COL4A1: variants seen among roughly 807,000 people sequenced by gnomAD.
The protein encoded by COL4A1 is collagen alpha-1(IV) chain.
In COL4A1, 40 loss-of-function variants were observed where a neutral mutation model predicts 216.6. The ratio of observed to expected loss-of-function variants is 0.18; its 90% CI spans 0.14 to 0.24. The LOEUF (loss-of-function observed/expected upper bound fraction) is 0.24. Ranked by LOEUF, COL4A1 falls within the 10% of genes least tolerant of loss-of-function variation. COL4A1 has a pLI of 1.00. For synonymous variants in COL4A1, 839 were observed against 810.7 expected, an observed-to-expected ratio of 1.03 and a Z score of -0.59; for missense variants, 1,628 against 2,196.8, an observed-to-expected ratio of 0.74 and a Z score of 5.18.
At chr13:110,200,166 C>T (rs753815795) in intron 20 of COL4A1, among the ~76,000 whole-genome samples, 34 of 152,362 alleles carry the variant, frequency 2.2e-4, no homozygotes, top group Non-Finnish European at 4.0e-4. Flanking sequence ...GGCACGTGAG[C>T]GTTTCCATCA....
intron 2 of COL4A1, among the ~76,000 whole-genome samples, chr13:110,214,456 G>A (rs1164935731): frequency 6.6e-6 from 1 of 152,212 alleles, no homozygotes; most frequent in Non-Finnish European, 1.5e-5. Context: ...GGTAAAGCAT[G>A]ACTTCTGGAT....
rs775952266 is a variant in COL4A1, at chr13:110,162,269, A to G, written c.4423T>C (p.Tyr1475His). 1.9e-5 allele frequency: 31 copies of G among 1,614,236 alleles called. No homozygotes were observed. Among genetic ancestry groups the G allele is most frequent in the Non-Finnish European group, 2.5e-5 (30 of 1,180,042 alleles). Residue 1475 changes from tyrosine to histidine, a missense_variant, in exon 48 of 52, where the codon TAC (tyrosine) becomes CAC (histidine). Transcript: ENST00000375820. ...KILYHGYSLL[Y>H]VQGNERAHGQ... ...TGGGCCCGTTCATTGCCTTGCACGT[A>G]GAGCAAAGAGTACCCGTGGTAAAGA...
At chr13:110,193,001 G>C in intron 22 of COL4A1, 88 bp from the exon 23 acceptor site, 1 of 1,198,952 alleles carries the variant, frequency 8.3e-7, no homozygotes, top group South Asian at 1.2e-5. Context: ...AGGCAAGGCT[G>C]TCACTAACAT....
rs117778529 is a variant in COL4A1 at position 110,227,698 on chromosome 13, T to C, written c.145-13683A>G. ...CAACTTGGTGGAAACTGAGCTCTCATGGGAATTCTAAACCTACAGGTGCCC... is the reference window on the plus strand; with the variant it reads ...CAACTTGGTGGAAACTGAGCTCTCACGGGAATTCTAAACCTACAGGTGCCC... On this transcript the variant is annotated intron_variant, in intron 2 of 51. Transcript: ENST00000375820. Among the ~76,000 whole-genome samples the C allele has an allele frequency of 1.7e-3, 255 of 152,312 alleles. 1 individual carries two copies. Among genetic ancestry groups the C allele is most frequent in the Non-Finnish European group, 2.9e-3 (194 of 68,022 alleles).
intron 43 of COL4A1, 130 bp downstream of exon 43, chr13:110,169,499 C>CAT: frequency 8.0e-7 from 1 of 1,256,604 alleles, no homozygotes; most frequent in African/African-American, 1.6e-5. Context: ...GGGAGTGTAA[C>CAT]ACACACACAC....
intron 30 of COL4A1, 75 bp downstream of exon 30, chr13:110,179,196 G>T: frequency 6.3e-7 from 1 of 1,589,752 alleles, no homozygotes; most frequent in South Asian, 1.1e-5. Context: ...AAATATACTC[G>T]GTAGGGGCTC....
intron 2 of COL4A1, among the ~76,000 whole-genome samples, chr13:110,227,143 A>T (rs1369820297): frequency 6.6e-6 from 1 of 152,352 alleles, no homozygotes; most frequent in South Asian, 2.1e-4. Context: ...TTAAACTTAC[A>T]GTATCATTTC....
chr13:110,225,437 G>T (rs1229800124), intron 2 of COL4A1, among the ~76,000 whole-genome samples: 1 of 152,172 alleles, frequency 6.6e-6, no homozygotes, highest in African/African-American at 2.4e-5. Flanking sequence ...ACAAAAATTA[G>T]CCCAGCGTGG....
chr13:110,172,347 G>A (rs1345379178), intron 41 of COL4A1, among the ~76,000 whole-genome samples: 3 of 152,232 alleles, frequency 2.0e-5, no homozygotes, highest in South Asian at 2.1e-4. Context: ...TTTTTGTCTC[G>A]TGGTGTGTGC....
intron 26 of COL4A1, among the ~76,000 whole-genome samples, chr13:110,185,238 C>T (rs2131937): frequency 0.36 from 54,003 of 151,686 alleles, 9,620 homozygotes; most frequent in East Asian, 0.45. Context: ...CTCTGCCTCC[C>T]GGGTTCAAGC....
At chr13:110,179,191 T>C in intron 30 of COL4A1, 80 bp downstream of exon 30, 7 of 1,590,146 alleles carry the variant, frequency 4.4e-6, no homozygotes, top group Non-Finnish European at 6.0e-6. Context: ...ATATCAAATA[T>C]ACTCGGTAGG....
intron 43 of COL4A1, among the ~76,000 whole-genome samples, chr13:110,167,940 C>T (rs1401838029): frequency 1.3e-5 from 2 of 152,082 alleles, no homozygotes; most frequent in African/African-American, 4.8e-5. Context: ...AACATATATA[C>T]AAACACATAT....
At chr13:110,227,604 T>C (rs1415050141) in intron 2 of COL4A1, among the ~76,000 whole-genome samples, 1 of 152,146 alleles carries the variant, frequency 6.6e-6, no homozygotes, top group Non-Finnish European at 1.5e-5. Context: ...AATTTGTCTT[T>C]GGCAAGAGAG....
chr13:110,165,701 A>C (rs1190843550), intron 45 of COL4A1, among the ~76,000 whole-genome samples: 1 of 152,128 alleles, frequency 6.6e-6, no homozygotes, highest in African/African-American at 2.4e-5. Flanking sequence ...ATGATGCCCT[A>C]GAAGTATGGT....
At chr13:110,264,953 T>C (rs1400634583) in intron 1 of COL4A1, among the ~76,000 whole-genome samples, 1 of 152,230 alleles carries the variant, frequency 6.6e-6, no homozygotes, top group Non-Finnish European at 1.5e-5. Context: ...CACTGTGTCT[T>C]AAGAGGGCTT....
intron 51 of COL4A1, among the ~76,000 whole-genome samples, chr13:110,151,888 A>G (rs79644708): frequency 0.025 from 3,784 of 152,320 alleles, 60 homozygotes; most frequent in East Asian, 0.036. Flanking sequence ...TGCTGAAATT[A>G]ATTTTTATTT....
At chr13:110,186,153 G>A (rs1443245537) in intron 26 of COL4A1, among the ~76,000 whole-genome samples, 2 of 152,168 alleles carry the variant, frequency 1.3e-5, no homozygotes, top group African/African-American at 4.8e-5. Flanking sequence ...TACTTATGAG[G>A]ACTGTAAACC....
chr13:110,215,314 C>T (rs986642890), intron 2 of COL4A1, among the ~76,000 whole-genome samples: 1 of 152,090 alleles, frequency 6.6e-6, no homozygotes, highest in Non-Finnish European at 1.5e-5. Context: ...AATCCCAGCA[C>T]TTTGGGAGAT....
chr13:110,229,080 CAG>C (rs143684171), intron 2 of COL4A1, among the ~76,000 whole-genome samples: 6,929 of 152,278 alleles, frequency 0.046, 252 homozygotes, highest in Admixed American at 0.083. Context: ...CTCAATACTG[CAG>C]AGTCACCGCT....
Sources: allele counts gnomAD v4.1 joint callset (sites outside exome capture counted in the v4.1 genomes callset), GRCh38; gene constraint gnomAD v4.1.1; transcripts MANE v1.5; gene names NCBI Gene and HGNC (gene_info 2026-07-23, HGNC 2026-07-21).